RASEF: variants seen among roughly 807,000 people sequenced by gnomAD.
RASEF encodes the protein ras and EF-hand domain-containing protein.
In RASEF, 68 loss-of-function variants were observed where a neutral mutation model predicts 90.1. The ratio of observed to expected loss-of-function variants is 0.75; its 90% CI spans 0.62 to 0.92. RASEF has a LOEUF of 0.92. RASEF is among the 40% of genes least tolerant of loss of function. The pLI, the probability that RASEF is intolerant of heterozygous loss-of-function variation, is 0.00. For synonymous variants in RASEF, 331 were observed against 345.2 expected (o/e 0.96, Z 0.46); for missense variants, 949 against 937.2 (o/e 1.01, Z -0.16).
the RASEF span, among the ~76,000 whole-genome samples, chr9:83,090,626 A>G: frequency 6.6e-6 from 1 of 150,788 alleles, no homozygotes; most frequent in African/African-American, 2.4e-5. Context: ...CTGGTCTTGA[A>G]CTCTTAACCT....
At chr9:83,120,273 A>T in the RASEF span, among the ~76,000 whole-genome samples, 1 of 152,206 alleles carries the variant, frequency 6.6e-6, no homozygotes, top group African/African-American at 2.4e-5. Context: ...GTGCTGTTCC[A>T]CAAATGTTTG....
chr9:83,198,835 G>A, the RASEF span, among the ~76,000 whole-genome samples: 120,757 of 148,864 alleles, frequency 0.81, 48,643 homozygotes, highest in East Asian at 0.96. Flanking sequence ...AAATAGAATG[G>A]GGGGGAGGGA....
the RASEF span, among the ~76,000 whole-genome samples, chr9:83,160,248 G>A: frequency 1.3e-5 from 2 of 152,302 alleles, no homozygotes; most frequent in South Asian, 4.1e-4. Flanking sequence ...ATGGGGGAAA[G>A]TTTGGAACTC....
chr9:83,176,904 C>T, the RASEF span, among the ~76,000 whole-genome samples: 7 of 152,006 alleles, frequency 4.6e-5, no homozygotes, highest in Admixed American at 1.3e-4. Flanking sequence ...GAGAAGAGCA[C>T]AAAGCAAGTA....
At chr9:83,188,431 G>A in the RASEF span, among the ~76,000 whole-genome samples, 2 of 152,208 alleles carry the variant, frequency 1.3e-5, no homozygotes, top group African/African-American at 4.8e-5. Context: ...GCAAGTTGGT[G>A]GAAGTGATAA....
chr9:83,146,633 T>C, the RASEF span, among the ~76,000 whole-genome samples: 2 of 152,220 alleles, frequency 1.3e-5, no homozygotes. Flanking sequence ...TTTGACAGCT[T>C]CTGTCTGACC....
intron 3 of RASEF, among the ~76,000 whole-genome samples, chr9:83,021,517 T>C (rs569858190): frequency 5.0e-4 from 76 of 152,324 alleles, no homozygotes; most frequent in Non-Finnish European, 8.4e-4. Context: ...AGGTAACATA[T>C]CACTTTCAAC....
At chr9:83,104,054 T>C in the RASEF span, among the ~76,000 whole-genome samples, 1 of 152,156 alleles carries the variant, frequency 6.6e-6, no homozygotes, top group African/African-American at 2.4e-5. Context: ...CAAGATGACA[T>C]TTCTATCGGT....
At chr9:83,176,602 C>A in the RASEF span, among the ~76,000 whole-genome samples, 1 of 151,876 alleles carries the variant, frequency 6.6e-6, no homozygotes, top group Non-Finnish European at 1.5e-5. Context: ...GACTTTTTCA[C>A]AATATTTAAT....
chr9:83,100,312 G>A, the RASEF span, among the ~76,000 whole-genome samples: 2 of 152,234 alleles, frequency 1.3e-5, no homozygotes, highest in East Asian at 1.9e-4. Context: ...GAGCATTCAA[G>A]GCAAGAACAG....
In RASEF at chr9:83,009,647, G is replaced by C. The variant is rs751000221; in HGVS notation, c.953C>G (p.Thr318Ser). 29 of 1,580,596 alleles carry C rather than the reference G, an allele frequency of 1.8e-5. No individual in the cohort carries two copies. Among genetic ancestry groups the C allele is most frequent in the Non-Finnish European group, 2.4e-5 (28 of 1,150,516 alleles). Residue 318 changes from threonine (T) to serine (S), a missense_variant, in exon 6 of 17, where the codon ACT becomes AGT. Thr to Ser is a moderately conservative substitution (Grantham distance 58). This residue lies in a region of RASEF where 656 missense variants were observed against 592.2 expected (regional missense o/e 1.11). Transcript: ENST00000376447. ...TAAAATGCAAAGTTCATACCTTTCA[G>C]TATTCAGACTCTGATCAGCATAATC... ...KSDYADQSLN[T>S]ERDLEIIRAY... is the part of the protein sequence containing the mutation.
the RASEF span, among the ~76,000 whole-genome samples, chr9:83,104,320 A>C: frequency 6.6e-6 from 1 of 152,166 alleles, no homozygotes; most frequent in Non-Finnish European, 1.5e-5. Context: ...CCTTAAAAAA[A>C]ATCCATGAAC....
the RASEF span, among the ~76,000 whole-genome samples, chr9:83,070,675 T>A: frequency 1.3e-5 from 2 of 152,158 alleles, no homozygotes; most frequent in East Asian, 3.8e-4. Flanking sequence ...AAAAATACAT[T>A]CTGTAGATAT....
Position 82,998,356 on chromosome 9 carries a change from T to C in RASEF, c.1805+9A>G. 1 of 1,592,672 alleles carries C rather than the reference T, an allele frequency of 6.3e-7. No homozygotes were observed. Among genetic ancestry groups the C allele is most frequent in the South Asian group, 1.1e-5 (1 of 90,602 alleles). ...CAGGATATCCCATAGCGCTGCGGAATGCACTTGCCTCTCCTGACCAGCTGT... is the reference window on the plus strand; with the variant it reads ...CAGGATATCCCATAGCGCTGCGGAACGCACTTGCCTCTCCTGACCAGCTGT... On this transcript the variant is annotated intron_variant, in intron 13 of 16. Transcript: ENST00000376447.
chr9:83,143,731 T>G, the RASEF span, among the ~76,000 whole-genome samples: 6 of 152,172 alleles, frequency 3.9e-5, no homozygotes, highest in African/African-American at 1.4e-4. Flanking sequence ...GTTAAGCCAC[T>G]GTGGAAAGCA....
At chr9:83,139,287 A>G in the RASEF span, among the ~76,000 whole-genome samples, 1 of 152,134 alleles carries the variant, frequency 6.6e-6, no homozygotes, top group East Asian at 1.9e-4. Context: ...ATCACTCTCT[A>G]TACATTTGAC....
the RASEF span, among the ~76,000 whole-genome samples, chr9:83,180,537 C>T: frequency 6.6e-6 from 1 of 150,758 alleles, no homozygotes; most frequent in Non-Finnish European, 1.5e-5. Flanking sequence ...AATATTTAGT[C>T]AACAAGTATG....
chr9:83,125,983 A>G, the RASEF span, among the ~76,000 whole-genome samples: 1 of 152,258 alleles, frequency 6.6e-6, no homozygotes, highest in Admixed American at 6.5e-5. Context: ...ATGCTGGTTT[A>G]GCAGGGAGGA....
the RASEF span, among the ~76,000 whole-genome samples, chr9:83,141,341 T>C: frequency 6.6e-6 from 1 of 151,730 alleles, no homozygotes; most frequent in Non-Finnish European, 1.5e-5. Flanking sequence ...AGATGAAGAT[T>C]ACAAGATAAA....
Sources: gnomAD v4.1 joint callset for allele counts (sites outside exome capture counted in the v4.1 genomes callset) on GRCh38, gnomAD v4.1.1 for gene constraint, gnomAD v4.1.1 regional missense constraint, MANE v1.5 for transcripts, NCBI Gene and HGNC (gene_info 2026-07-23, HGNC 2026-07-21) for gene names.